SNRK: variants seen among roughly 807,000 people sequenced by gnomAD.
SNRK encodes the protein SNF-related serine/threonine-protein kinase.
SNRK carries 3 observed loss-of-function variants against 48.2 expected under a neutral mutation model. The ratio of observed to expected loss-of-function variants is 0.06; its 90% CI spans 0.03 to 0.16. SNRK has a LOEUF of 0.16. SNRK is among the 10% of genes least tolerant of loss of function. SNRK has a pLI of 1.00. For synonymous variants in SNRK, 376 were observed against 366.1 expected (o/e 1.03, Z -0.31); for missense variants, 627 against 976.0 (o/e 0.64, Z 4.76).
intron 6 of SNRK, among the ~76,000 whole-genome samples, chr3:43,346,665 C>T (rs2091278669): frequency 6.6e-6 from 1 of 152,136 alleles, no homozygotes; most frequent in Non-Finnish European, 1.5e-5. Flanking sequence ...TGCTTGATAT[C>T]CCAGGGGGTC....
In SNRK at chr3:43,349,797, T is replaced by A. The variant is rs1469906502; in HGVS notation, c.*1240T>A. 6.6e-6 allele frequency: 1 copy of A among 152,190 alleles called. No homozygotes were observed. Among genetic ancestry groups the A allele is most frequent in the Non-Finnish European group, 1.5e-5 (1 of 67,998 alleles). 9.4% of individuals were successfully genotyped at this position (152,190 alleles called of 1,614,324 possible). ...TGGCATTCTATCTTGTAGGACACTG[T>A]ATATTGCAAATTGCTGATTATGGAA... is the stretch of plus-strand genomic sequence containing the variant. On this transcript the variant is annotated 3_prime_UTR_variant, in exon 7 of 7. Transcript: ENST00000296088.
chr3:43,335,536 G>A (rs997906207), intron 4 of SNRK, among the ~76,000 whole-genome samples: 10 of 152,182 alleles, frequency 6.6e-5, no homozygotes, highest in East Asian at 3.9e-4. Flanking sequence ...GGAAAATAGT[G>A]TATATTTTCC....
At chr3:43,291,227 C>G (rs1018918802) in intron 1 of SNRK, among the ~76,000 whole-genome samples, 1 of 152,200 alleles carries the variant, frequency 6.6e-6, no homozygotes, top group African/African-American at 2.4e-5. Context: ...CCTGAAAAGC[C>G]TCTTCCTTAC....
chr3:43,324,625 A>T (rs905964290), intron 3 of SNRK, among the ~76,000 whole-genome samples: 2 of 152,188 alleles, frequency 1.3e-5, no homozygotes, highest in Non-Finnish European at 2.9e-5. Context: ...TATTTGAGAG[A>T]ACTTTTCTAA....
chr3:43,302,364 A>G (rs560471996), intron 2 of SNRK, among the ~76,000 whole-genome samples: 1 of 152,286 alleles, frequency 6.6e-6, no homozygotes, highest in South Asian at 2.1e-4. Context: ...AACATTTTGG[A>G]AAAAGTTGCA....
In SNRK at chr3:43,287,501, C is replaced by G. The variant is rs1442165677; in HGVS notation, c.-169+826C>G. Among the ~76,000 whole-genome samples the G allele has an allele frequency of 4.6e-5, 7 of 152,128 alleles. 1 individual carries two copies. In the East Asian group the frequency reaches 1.3e-3, roughly 29 times the overall value. On this transcript the variant is annotated intron_variant, in intron 1 of 6. Transcript: ENST00000296088. ...TGGGGAGAATTTAGCAGTGGAGTTC[C>G]TAAATCTATAGAGGTCTGAGGATAT...
At chr3:43,317,036 C>T (rs1303502752) in intron 3 of SNRK, among the ~76,000 whole-genome samples, 1 of 152,040 alleles carries the variant, frequency 6.6e-6, no homozygotes, top group Non-Finnish European at 1.5e-5. Context: ...TAAAAGGGTC[C>T]TTAGTGCCTC....
At chr3:43,337,573 T>A (rs1006280866) in intron 4 of SNRK, among the ~76,000 whole-genome samples, 51 of 151,900 alleles carry the variant, frequency 3.4e-4, no homozygotes, top group South Asian at 1.5e-3. Flanking sequence ...ATTTTTTTTT[T>A]AATTTTTTTG....
chr3:43,297,564 A>C (rs572318409), intron 1 of SNRK, among the ~76,000 whole-genome samples: 1 of 147,722 alleles, frequency 6.8e-6, no homozygotes, highest in Non-Finnish European at 1.5e-5. Flanking sequence ...AAAGGGTGGG[A>C]TAATGGATTT....
intron 4 of SNRK, among the ~76,000 whole-genome samples, chr3:43,337,242 T>A (rs1168888590): frequency 6.6e-6 from 1 of 151,730 alleles, no homozygotes; most frequent in African/African-American, 2.4e-5. Flanking sequence ...TCTGGCTAAT[T>A]TTTTGTATTT....
chr3:43,297,202 A>G (rs957317127), intron 1 of SNRK, among the ~76,000 whole-genome samples: 1 of 152,212 alleles, frequency 6.6e-6, no homozygotes, highest in East Asian at 1.9e-4. Flanking sequence ...GTAGTTATCA[A>G]ACTTCATGTC....
chr3:43,339,588 C>T (rs537414006), intron 4 of SNRK, among the ~76,000 whole-genome samples: 9 of 151,686 alleles, frequency 5.9e-5, no homozygotes, highest in African/African-American at 7.2e-5. Flanking sequence ...AAGGCCGAGG[C>T]GGGCGAATCA....
chr3:43,322,502 A>G (rs2091061264), intron 3 of SNRK, among the ~76,000 whole-genome samples: 1 of 152,230 alleles, frequency 6.6e-6, no homozygotes, highest in Non-Finnish European at 1.5e-5. Flanking sequence ...CTTAAGGTAG[A>G]AAGAGTTCTT....
intron 4 of SNRK, among the ~76,000 whole-genome samples, chr3:43,336,820 C>CGGCTTGCTGCA (rs1022334867): frequency 4.0e-5 from 6 of 151,108 alleles, no homozygotes; most frequent in Non-Finnish European, 7.4e-5. Flanking sequence ...GGTGTGATCT[C>CGGCTTGCTGCA]GGCTTGCTGC....
At chr3:43,346,183 G>A (rs1299270713) in intron 6 of SNRK, among the ~76,000 whole-genome samples, 1 of 152,184 alleles carries the variant, frequency 6.6e-6, no homozygotes, top group Non-Finnish European at 1.5e-5. Context: ...GTTCGGTTAT[G>A]ACCACTTCAG....
At chr3:43,302,927 A>G (rs911603585) in intron 2 of SNRK, among the ~76,000 whole-genome samples, 171 bp from the exon 3 acceptor site, 13 of 152,224 alleles carry the variant, frequency 8.5e-5, no homozygotes, top group African/African-American at 2.4e-4. Context: ...CCTTTGTAAT[A>G]TAAAGTCTAA....
chr3:43,323,609 G>A (rs1201819184), intron 3 of SNRK, among the ~76,000 whole-genome samples: 1 of 152,084 alleles, frequency 6.6e-6, no homozygotes, highest in Non-Finnish European at 1.5e-5. Flanking sequence ...CTCACTCCTA[G>A]GTATTTACCC....
At chr3:43,342,533 T>C (rs1412004575) in intron 5 of SNRK, among the ~76,000 whole-genome samples, 1 of 152,248 alleles carries the variant, frequency 6.6e-6, no homozygotes, top group African/African-American at 2.4e-5. Context: ...AAATGGTGTC[T>C]CTTGCTTCTT....
chr3:43,289,046 G>A (rs898406956), intron 1 of SNRK, among the ~76,000 whole-genome samples: 1 of 152,130 alleles, frequency 6.6e-6, no homozygotes, highest in African/African-American at 2.4e-5. Context: ...GTAGAAAAGT[G>A]AATAAAAACC....
Sources: gnomAD v4.1 joint callset for allele counts (sites outside exome capture counted in the v4.1 genomes callset) on GRCh38, gnomAD v4.1.1 for gene constraint, MANE v1.5 for transcripts, NCBI Gene and HGNC (gene_info 2026-07-23, HGNC 2026-07-21) for gene names.